The following APBA2 variants were observed in gnomAD, a reference collection of about 807,000 sequenced individuals.
APBA2 encodes amyloid beta precursor protein binding family A member 2.
In APBA2, 30 loss-of-function variants were observed where a neutral mutation model predicts 75.0. That is an observed-to-expected ratio of 0.40 (90% CI 0.30 to 0.54). APBA2 has a LOEUF of 0.54. APBA2 is among the 20% of genes least tolerant of loss of function. APBA2 has a pLI of 0.49. For synonymous variants in APBA2, 444 were observed against 409.6 expected, an observed-to-expected ratio of 1.08 and a Z score of -1.01; for missense variants, 801 against 1,016.1, an observed-to-expected ratio of 0.79 and a Z score of 2.88.
chr15:29,048,303 G>A (rs991258844), intron 3 of APBA2, among the ~76,000 whole-genome samples: 5 of 152,140 alleles, frequency 3.3e-5, no homozygotes, highest in African/African-American at 1.2e-4. Flanking sequence ...AGCTGGGATC[G>A]TGCTACTGCA....
intron 3 of APBA2, among the ~76,000 whole-genome samples, chr15:29,041,058 A>C (rs1317542822): frequency 6.6e-6 from 1 of 152,236 alleles, no homozygotes. Context: ...TAGGAATTTT[A>C]GAATGAAGTA....
At chr15:28,978,298 T>G (rs1261149586) in intron 2 of APBA2, among the ~76,000 whole-genome samples, 1 of 152,228 alleles carries the variant, frequency 6.6e-6, no homozygotes, top group Non-Finnish European at 1.5e-5. Flanking sequence ...CCCTGCAACT[T>G]GGCTCCTCCA....
At chr15:29,078,874 G>C (rs935520607) in intron 6 of APBA2, among the ~76,000 whole-genome samples, 2 of 152,208 alleles carry the variant, frequency 1.3e-5, no homozygotes, top group African/African-American at 4.8e-5. Flanking sequence ...GTTTTCTGTG[G>C]ATTAAGAGGT....
intron 14 of APBA2, among the ~76,000 whole-genome samples, chr15:29,115,899 A>G (rs1203991337): frequency 3.3e-5 from 5 of 152,138 alleles, no homozygotes; most frequent in African/African-American, 1.2e-4. Context: ...GAGGAGGGGC[A>G]GATGCACGGC....
At chr15:29,024,872 C>T (rs1039537020) in intron 3 of APBA2, among the ~76,000 whole-genome samples, 1 of 152,014 alleles carries the variant, frequency 6.6e-6, no homozygotes, top group Non-Finnish European at 1.5e-5. Flanking sequence ...ACAGGAGGAG[C>T]GGATGGAAGC....
At chr15:29,061,120 G>A in intron 4 of APBA2, among the ~76,000 whole-genome samples, 1 of 152,292 alleles carries the variant, frequency 6.6e-6, no homozygotes, top group East Asian at 1.9e-4. Flanking sequence ...TAGTTCTGTG[G>A]GTCTGTGGGG....
chr15:29,000,233 G>A (rs936086875), intron 3 of APBA2, among the ~76,000 whole-genome samples: 4 of 152,148 alleles, frequency 2.6e-5, no homozygotes, highest in Non-Finnish European at 2.9e-5. Flanking sequence ...CACAACCAGC[G>A]TTTTCTAAAA....
chr15:29,058,871 C>G lies in APBA2; in HGVS notation c.951+4036C>G, dbSNP rs567892869. On this transcript the variant is annotated intron_variant, in intron 4 of 14. Coordinates refer to ENST00000683413, the MANE Select transcript of APBA2 (RefSeq NM_001353788.2). The stretch of plus-strand genomic sequence containing the variant: ...TTTGCCATGTGGCATTGTAGAATTC[C>G]ACTGTAGAGTTTTCAAATCAAAGAG... Among the ~76,000 whole-genome samples, 6 of 152,330 alleles carry G rather than the reference C, an allele frequency of 3.9e-5. No individual in the cohort carries two copies. The East Asian group carries it at 7.7e-4, about 20-fold the overall frequency.
chr15:28,982,600 A>G (rs138586822), intron 2 of APBA2, among the ~76,000 whole-genome samples: 19 of 152,378 alleles, frequency 1.2e-4, no homozygotes, highest in African/African-American at 3.8e-4. Flanking sequence ...TTGGCAATGG[A>G]GGATTTATAT....
chr15:29,098,519 G>C lies in APBA2; in HGVS notation c.1281G>C (p.Thr427=), dbSNP rs774265949. ...CTGAGGGGGATGCCCAGACGCTGAC[G>C]GAAGTGGACCTCTTCATTTCCACCC... ...ANSEGDAQTL[T]EVDLFISTQR... Residue 427 remains threonine (T), a synonymous_variant, in exon 9 of 15, where the codon ACG becomes ACC. Transcript: ENST00000683413. 5.0e-6 allele frequency: 8 copies of C among 1,614,088 alleles called. No individual in the cohort carries two copies. The highest frequency in any genetic ancestry group is 6.8e-6 in the Non-Finnish European group (8 of 1,179,966).
chr15:28,893,206 C>T (rs955858314), intron 1 of APBA2, among the ~76,000 whole-genome samples: 43 of 152,202 alleles, frequency 2.8e-4, no homozygotes, highest in Non-Finnish European at 5.6e-4. Context: ...ACGTGGAGAT[C>T]TGTGTCCCAT....
chr15:28,966,754 C>G (rs1471656098), intron 2 of APBA2, among the ~76,000 whole-genome samples: 1 of 151,912 alleles, frequency 6.6e-6, no homozygotes, highest in African/African-American at 2.4e-5. Context: ...GTTTCTTTTT[C>G]CTTGCCTTCC....
intron 2 of APBA2, among the ~76,000 whole-genome samples, chr15:28,965,671 A>C (rs1235675348): frequency 6.6e-6 from 1 of 152,032 alleles, no homozygotes; most frequent in Non-Finnish European, 1.5e-5. Context: ...TTTTATATAG[A>C]TCCTGTACAT....
chr15:29,108,400 C>T lies in APBA2; in HGVS notation c.2037+11C>T, dbSNP rs1360557083. 2 of 1,613,834 alleles carry T rather than the reference C, an allele frequency of 1.2e-6. No homozygotes were observed. Among genetic ancestry groups the T allele is most frequent in the Admixed American group, 1.7e-5 (1 of 60,006 alleles). Reference sequence around the variant, plus strand: ...GTGCAGAATGGAATTGTGAGTTCCCCCTCCTGCTCTGGGCCACCACCACCA... The same window carrying T: ...GTGCAGAATGGAATTGTGAGTTCCCTCTCCTGCTCTGGGCCACCACCACCA... On this transcript the variant is annotated intron_variant, in intron 13 of 14. Transcript: ENST00000683413.
chr15:28,971,471 G>A (rs565510818), intron 2 of APBA2, among the ~76,000 whole-genome samples: 1 of 152,240 alleles, frequency 6.6e-6, no homozygotes, highest in African/African-American at 2.4e-5. Flanking sequence ...GTGCAGCAGC[G>A]GCCTGGTCCC....
intron 7 of APBA2, among the ~76,000 whole-genome samples, chr15:29,093,677 C>T (rs1003954598): frequency 1.3e-5 from 2 of 152,030 alleles, no homozygotes; most frequent in Non-Finnish European, 2.9e-5. Context: ...CGGGTGAGGC[C>T]GGGCAAGGGG....
chr15:28,969,804 G>T (rs2036968295), intron 2 of APBA2, among the ~76,000 whole-genome samples: 1 of 152,204 alleles, frequency 6.6e-6, no homozygotes, highest in Non-Finnish European at 1.5e-5. Flanking sequence ...ATTCGGGTCT[G>T]AATCATTTCC....
rs188072818 is a variant in APBA2 at position 28,943,446 on chromosome 15, G to A, written c.-95+21697G>A. 4.8e-4 allele frequency among the ~76,000 whole-genome samples: 73 copies of A among 152,348 alleles called. No homozygotes were observed. The East Asian group carries it at 0.011, about 23-fold the overall frequency. ...GCCCTGCATCTGCGACTTCCAAAGAGCATTGGCCTGCACTGTCCTATGAAA... is the reference window on the plus strand; with the variant it reads ...GCCCTGCATCTGCGACTTCCAAAGAACATTGGCCTGCACTGTCCTATGAAA... On this transcript the variant is annotated intron_variant, in intron 2 of 14. Coordinates refer to ENST00000683413, the MANE Select transcript of APBA2 (RefSeq NM_001353788.2).
At chr15:28,897,450 T>C (rs140338833) in intron 1 of APBA2, among the ~76,000 whole-genome samples, 2,301 of 151,748 alleles carry the variant, frequency 0.015, 52 homozygotes, top group African/African-American at 0.052. Context: ...ACCCTTTCTC[T>C]ACTGAAAATA....
Sources: allele counts gnomAD v4.1 joint callset (sites outside exome capture counted in the v4.1 genomes callset), GRCh38; gene constraint gnomAD v4.1.1; transcripts MANE v1.5; gene names NCBI Gene and HGNC (gene_info 2026-07-23, HGNC 2026-07-21).